The following RAD21L1 variants were observed in gnomAD, a reference collection of about 807,000 sequenced individuals.
RAD21L1 encodes RAD21 cohesin complex component like 1.
A neutral mutation model predicts 69.0 loss-of-function variants in RAD21L1; 47 were observed. That is an observed-to-expected ratio of 0.68 (90% CI 0.54 to 0.87). RAD21L1 has a LOEUF of 0.87. Among genes scored for constraint, RAD21L1 ranks in the 40% least tolerant of loss-of-function variants. The pLI, the probability that RAD21L1 is intolerant of heterozygous loss-of-function variation, is 0.00. For synonymous variants in RAD21L1, 177 were observed against 205.8 expected (o/e 0.86, Z 1.20); for missense variants, 583 against 647.6 (o/e 0.90, Z 1.08).
Position 1,234,070 on chromosome 20 carries a change from T to C in RAD21L1, c.369-15T>C, listed in dbSNP as rs1285698940. ...TCTGTTCTCATGTTTTTCTCAACCTTCTATTTCTCCATAGTGCTATTGATG... is the reference window on the plus strand; with the variant it reads ...TCTGTTCTCATGTTTTTCTCAACCTCCTATTTCTCCATAGTGCTATTGATG... On this transcript the variant is annotated splice_polypyrimidine_tract_variant and intron_variant, in intron 4 of 13. Coordinates refer to ENST00000683101, the MANE Select transcript of RAD21L1 (RefSeq NM_001384355.1). 8.0e-7 allele frequency: 1 copy of C among 1,257,720 alleles called. No individual in the cohort carries two copies. Among genetic ancestry groups the C allele is most frequent in the South Asian group, 1.4e-5 (1 of 72,604 alleles). The allele number at this position is 1,257,720 out of a possible 1,614,324, so 77.9% of individuals were successfully genotyped here.
chr20:1,229,805 A>T (rs1218427850), intron 2 of RAD21L1, 75 bp from the exon 3 acceptor site: 1 of 1,130,344 alleles, frequency 8.8e-7, no homozygotes, highest in Non-Finnish European at 1.2e-6. Context: ...AATTCTTACG[A>T]TGTCAGTAAC....
rs2087541385 is a variant in RAD21L1 at position 1,238,337 on chromosome 20, T to C, written c.646+123T>C. ...GTTTTTGTGTTATGTAGGTCAATAC[T>C]TTTTTTTATACAAGTTTTCAAAGTC... On this transcript the variant is annotated intron_variant, in intron 6 of 13. Coordinates refer to ENST00000683101, the MANE Select transcript of RAD21L1 (RefSeq NM_001384355.1). The C allele has an allele frequency of 4.8e-6, 3 of 628,462 alleles. No individual in the cohort carries two copies. The African/African-American group carries it at 5.7e-5, about 12-fold the overall frequency. The allele number at this position is 628,462 out of a possible 1,614,324, so 38.9% of individuals were successfully genotyped here. A position where few individuals can be genotyped will look rare whatever the true frequency, so the allele number is the denominator to read the frequency against.
intron 5 of RAD21L1, 58 bp from the exon 6 acceptor site, chr20:1,237,986 T>G (rs989266891): frequency 2.1e-5 from 20 of 955,644 alleles, no homozygotes; most frequent in Non-Finnish European, 2.5e-5. Context: ...TGAATTTCCT[T>G]CTAACCCTAT....
chr20:1,242,921 T>G (rs2087644451), intron 9 of RAD21L1, 76 bp downstream of exon 9: 8 of 1,024,114 alleles, frequency 7.8e-6, no homozygotes, highest in Non-Finnish European at 1.0e-5. Flanking sequence ...TAAACACATA[T>G]TTACATACAT....
At chr20:1,238,012 T>G in intron 5 of RAD21L1, 32 bp from the exon 6 acceptor site, 1 of 1,190,904 alleles carries the variant, frequency 8.4e-7, no homozygotes, top group Non-Finnish European at 1.2e-6. Context: ...TGTGTTTCTA[T>G]GAATTAGTAT....
rs74812359 is a variant in RAD21L1, at chr20:1,231,133, T to C, written c.275-393T>C. On this transcript the variant is annotated intron_variant, in intron 3 of 13. Coordinates refer to ENST00000683101, the MANE Select transcript of RAD21L1 (RefSeq NM_001384355.1). ...TAAAAAGTCCCTGAGGGAATAGCAT[T>C]CTAGGCGGAGGAAACTGCAAGAGCA... Among the ~76,000 whole-genome samples, 61 of 152,250 alleles carry C rather than the reference T, an allele frequency of 4.0e-4. 2 individuals carry two copies. In the East Asian group the frequency reaches 0.011, roughly 27 times the overall value.
chr20:1,237,567 A>G (rs995562270), intron 5 of RAD21L1, among the ~76,000 whole-genome samples: 1 of 144,588 alleles, frequency 6.9e-6, no homozygotes, highest in African/African-American at 2.6e-5. Flanking sequence ...TTCGATATTT[A>G]TTGAATGAAT....
chr20:1,238,325 G>A (rs2087541146), intron 6 of RAD21L1, 111 bp downstream of exon 6: 4 of 765,580 alleles, frequency 5.2e-6, no homozygotes, highest in Non-Finnish European at 7.5e-6. Flanking sequence ...TTTGTGTTAT[G>A]TAGGTCAATA....
chr20:1,231,804 A>T (rs1166760875), intron 4 of RAD21L1, among the ~76,000 whole-genome samples, 185 bp downstream of exon 4: 2 of 152,162 alleles, frequency 1.3e-5, no homozygotes, highest in Non-Finnish European at 2.9e-5. Flanking sequence ...TATTTATTGA[A>T]TATAGTTTGC....
At chr20:1,233,756 C>T (rs1055732971) in intron 4 of RAD21L1, among the ~76,000 whole-genome samples, 6 of 152,088 alleles carry the variant, frequency 3.9e-5, no homozygotes, top group Non-Finnish European at 8.8e-5. Context: ...TCCCAAAGCT[C>T]CCACCTCCTA....
chr20:1,245,947 G>C (rs1252460721), intron 11 of RAD21L1, among the ~76,000 whole-genome samples: 1 of 152,010 alleles, frequency 6.6e-6, no homozygotes, highest in African/African-American at 2.4e-5. Context: ...GTCTGCAGTA[G>C]AGAGGGAAAT....
rs763179333 is a variant in RAD21L1 at position 1,242,793 on chromosome 20, A to G, written c.1031A>G (p.His344Arg). The change falls in exon 9 of 14, where the codon CAT becomes CGT. Residue 344 changes from histidine (H) to arginine (R), a missense_variant. Transcript: ENST00000683101. ...LMMWKKRGGV[H>R]TLLSTAAQDL... ...ATGTGGAAGAAGAGGGGAGGAGTGC[A>G]TACACTTCTGTCAACTGCTGCCCAG... 1.4e-5 allele frequency: 21 copies of G among 1,551,614 alleles called. No individual in the cohort carries two copies. In the South Asian group the frequency reaches 2.1e-4, roughly 16 times the overall value.
chr20:1,242,934 A>ATG, intron 9 of RAD21L1, 89 bp downstream of exon 9: 1 of 978,642 alleles, frequency 1.0e-6, no homozygotes, highest in African/African-American at 1.7e-5. Context: ...ACATACATAT[A>ATG]TAACAGAATT....
intron 7 of RAD21L1, 21 bp from the exon 8 acceptor site, chr20:1,240,300 T>G (rs780314779): frequency 2.6e-6 from 4 of 1,522,750 alleles, no homozygotes; most frequent in Non-Finnish European, 3.5e-6. Flanking sequence ...TTACAATTAC[T>G]TTTATGTGGA....
intron 5 of RAD21L1, among the ~76,000 whole-genome samples, chr20:1,235,549 C>T (rs2087476640): frequency 6.6e-6 from 1 of 152,116 alleles, no homozygotes; most frequent in South Asian, 2.1e-4. Flanking sequence ...TGTCAAATTT[C>T]TGTAAAACTT....
At chr20:1,244,629 A>G (rs893427397) in intron 11 of RAD21L1, among the ~76,000 whole-genome samples, 2 of 152,190 alleles carry the variant, frequency 1.3e-5, no homozygotes, top group African/African-American at 4.8e-5. Context: ...AAGATCTATG[A>G]CCAAAACAAA....
chr20:1,254,298 T>C lies in RAD21L1; in HGVS notation c.1509T>C (p.Phe503=). 4 of 1,548,838 alleles carry C rather than the reference T, an allele frequency of 2.6e-6. No individual in the cohort carries two copies. In the South Asian group the frequency reaches 4.8e-5, roughly 19 times the overall value. ...RESNKMGMQS[F]SLMKLCRNSD... is the part of the protein sequence containing the mutation. The stretch of plus-strand genomic sequence containing the variant: ...CTAACAAGATGGGAATGCAGTCCTT[T>C]AGTCTGATGAAGCTCTGTAGAAATA... The change falls in exon 14 of 14, where the codon TTT becomes TTC. Residue 503 remains phenylalanine, a synonymous_variant. Coordinates refer to ENST00000683101, the MANE Select transcript of RAD21L1 (RefSeq NM_001384355.1).
At chr20:1,232,504 G>A (rs1411982229) in intron 4 of RAD21L1, among the ~76,000 whole-genome samples, 1 of 152,194 alleles carries the variant, frequency 6.6e-6, no homozygotes, top group Admixed American at 6.5e-5. Flanking sequence ...CACCCAGGTG[G>A]TAGCAGTCAA....
At position 1,246,402 on chromosome 20, in the gene RAD21L1, G is replaced by A. The variant is rs2087719107; in HGVS notation, c.1401+97G>A. 2 of 456,488 alleles carry A rather than the reference G, an allele frequency of 4.4e-6. No individual in the cohort carries two copies. The highest frequency in any genetic ancestry group is 7.7e-6 in the Non-Finnish European group (2 of 260,890). 28.3% of individuals were successfully genotyped at this position (456,488 alleles called of 1,614,324 possible). ...AAAACTTGGCTTTTATAGCTGTCAT[G>A]TTACTTTCTAAATTTATAATTTAAA... On this transcript the variant is annotated intron_variant, in intron 12 of 13. Transcript: ENST00000683101. This position sits in a 1 kb window ranked among gnomAD's most constrained non-coding sequence, Gnocchi z 4.6.
Sources: gnomAD v4.1 joint callset for allele counts (sites outside exome capture counted in the v4.1 genomes callset) on GRCh38, gnomAD v4.1.1 for gene constraint, Gnocchi (gnomAD v3.1) non-coding constraint, MANE v1.5 for transcripts, NCBI Gene and HGNC (gene_info 2026-07-23, HGNC 2026-07-21) for gene names.